ARHGEF16: variants seen among roughly 807,000 people sequenced by gnomAD.
ARHGEF16 encodes Rho guanine exchange factor (GEF) 16.
Under a neutral mutation model 74.1 loss-of-function variants are expected in ARHGEF16, and 59 were observed. The ratio of observed to expected loss-of-function variants is 0.80; its 90% CI spans 0.65 to 0.99. The LOEUF is 0.99. Ranked by LOEUF, ARHGEF16 falls within the 50% of genes least tolerant of loss-of-function variation. The pLI is 0.00. For synonymous variants in ARHGEF16, 415 were observed against 412.6 expected (o/e 1.01, Z -0.07); for missense variants, 948 against 986.6 (o/e 0.96, Z 0.52).
In ARHGEF16 at chr1:3,478,564, G is replaced by C; in HGVS notation, c.1766G>C (p.Arg589Pro). The change falls in exon 12 of 15, where the codon CGC becomes CCC. Residue 589 changes from arginine (R) to proline (P), a missense_variant. Coordinates refer to ENST00000378378, the MANE Select transcript of ARHGEF16 (RefSeq NM_014448.4). ...VPHPFQVTLL[R>P]NSEGRQEQLL... ...CACCCCTTCCAGGTGACCCTGCTTC[G>C]CAACAGCGAGGGCCGCCAGGAGCAG... is the stretch of plus-strand genomic sequence containing the variant. 1.2e-6 allele frequency: 2 copies of C among 1,612,510 alleles called. No homozygotes were observed. The highest frequency in any genetic ancestry group is 1.7e-6 in the Non-Finnish European group (2 of 1,179,780).
chr1:3,458,560 C>T (rs1569832903), intron 1 of ARHGEF16, among the ~76,000 whole-genome samples: 3 of 152,352 alleles, frequency 2.0e-5, no homozygotes, highest in Middle Eastern at 3.4e-3. Flanking sequence ...GGCTGGGGGT[C>T]CCATTGGGCC....
intron 1 of ARHGEF16, among the ~76,000 whole-genome samples, chr1:3,462,851 C>T (rs942481052): frequency 2.6e-5 from 4 of 152,250 alleles, no homozygotes; most frequent in Non-Finnish European, 4.4e-5. Context: ...ATCCTGTGTC[C>T]AGCCTCCGGC....
At chr1:3,474,587 G>A in intron 8 of ARHGEF16, 121 bp from the exon 9 acceptor site, 1 of 880,998 alleles carries the variant, frequency 1.1e-6, no homozygotes, top group Non-Finnish European at 1.9e-6. Flanking sequence ...GGCCCTGCAG[G>A]AGCCCCCTGG....
intron 12 of ARHGEF16, 45 bp downstream of exon 12, chr1:3,478,657 T>A: frequency 6.4e-7 from 1 of 1,557,280 alleles, no homozygotes; most frequent in Non-Finnish European, 8.7e-7. Context: ...ACAGGCACAT[T>A]AGCTCCATGG....
intron 2 of ARHGEF16, among the ~76,000 whole-genome samples, chr1:3,464,116 T>C (rs1044460183): frequency 2.0e-5 from 3 of 150,964 alleles, no homozygotes; most frequent in Non-Finnish European, 4.4e-5. Context: ...AGCTGTGCGG[T>C]GGCCTGGGGC....
chr1:3,471,710 G>GCTC, intron 6 of ARHGEF16: 4 of 1,229,514 alleles, frequency 3.3e-6, no homozygotes, highest in South Asian at 2.8e-5. Context: ...GGGGCGGGAA[G>GCTC]CTCCGGCCTC....
rs1639429284 is a variant in ARHGEF16, at chr1:3,462,720, A to G, written c.-19-346A>G. ...CCTCCAGGCTCAGGAATGTGTCCTC[A>G]GTGCGTGCTGCCCATCAGAGGAAGC... On this transcript the variant is annotated intron_variant, in intron 1 of 14. Transcript: ENST00000378378. 2.0e-5 allele frequency among the ~76,000 whole-genome samples: 3 copies of G among 152,194 alleles called. No individual in the cohort carries two copies. In the South Asian group the frequency reaches 6.2e-4, roughly 31 times the overall value.
rs556188581 is a variant in ARHGEF16 at position 3,474,849 on chromosome 1, A to G, written c.1380+67A>G. On this transcript the variant is annotated intron_variant, in intron 9 of 14. Coordinates refer to ENST00000378378, the MANE Select transcript of ARHGEF16 (RefSeq NM_014448.4). The stretch of plus-strand genomic sequence containing the variant: ...CCCGACCCTGTCCCCACCCAACCCC[A>G]CCCTACCCGATGGCATAGGGCTGGC... 24 of 1,022,262 alleles carry G rather than the reference A, an allele frequency of 2.3e-5. No homozygotes were observed. The Middle Eastern group carries it at 1.5e-3, about 62-fold the overall frequency. The allele number at this position is 1,022,262 out of a possible 1,614,324, so 63.3% of individuals were successfully genotyped here. A position where few individuals can be genotyped will look rare whatever the true frequency, so the allele number is the denominator to read the frequency against.
Position 3,467,647 on chromosome 1 carries a change from G to A in ARHGEF16, c.804+310G>A, listed in dbSNP as rs535236688. On this transcript the variant is annotated intron_variant, in intron 4 of 14. Coordinates refer to ENST00000378378, the MANE Select transcript of ARHGEF16 (RefSeq NM_014448.4). ...CCTTCCCAGGGCCCCCGCCCCAGGA[G>A]AGGGCTGAATGATCTGCGTAGGGAG... Among the ~76,000 whole-genome samples the A allele has an allele frequency of 2.0e-5, 3 of 152,348 alleles. No homozygotes were observed. In the East Asian group the frequency reaches 5.8e-4, roughly 29 times the overall value.
chr1:3,458,931 A>G lies in ARHGEF16; in HGVS notation c.-20+4120A>G, dbSNP rs116074213. The stretch of plus-strand genomic sequence containing the variant: ...AAGACCAGGGGCCAATAAGAAGTCC[A>G]AGTAGAGAAAACCTCACACAGAGAA... On this transcript the variant is annotated intron_variant, in intron 1 of 14. Coordinates refer to ENST00000378378, the MANE Select transcript of ARHGEF16 (RefSeq NM_014448.4). Among the ~76,000 whole-genome samples, 893 of 152,358 alleles carry G rather than the reference A, an allele frequency of 5.9e-3. 8 individuals carry two copies. The highest frequency in any genetic ancestry group is 0.02 in the African/African-American group (845 of 41,578).
chr1:3,471,603 G>T (rs569704016), intron 6 of ARHGEF16: 51 of 1,109,922 alleles, frequency 4.6e-5, no homozygotes, highest in Non-Finnish European at 5.5e-5. Flanking sequence ...AGCCAGGCAG[G>T]CTTTGTGTTC....
At chr1:3,478,832 C>A (rs2100762196) in intron 12 of ARHGEF16, among the ~76,000 whole-genome samples, 1 of 152,218 alleles carries the variant, frequency 6.6e-6, no homozygotes, top group South Asian at 2.1e-4. Flanking sequence ...AACAGTTGGG[C>A]CACCAGGAGT....
chr1:3,470,735 G>T (rs1340207044), intron 6 of ARHGEF16, among the ~76,000 whole-genome samples: 2 of 151,098 alleles, frequency 1.3e-5, no homozygotes, highest in East Asian at 4.0e-4. Context: ...AGGGGTGTGT[G>T]TGAGTGGGCT....
At chr1:3,468,852 G>T (rs377428346) in intron 4 of ARHGEF16, 28 bp from the exon 5 acceptor site, 1 of 1,549,984 alleles carries the variant, frequency 6.5e-7, no homozygotes, top group Non-Finnish European at 8.7e-7. Flanking sequence ...ACGTGTGACC[G>T]AGAGCTCCTG....
intron 13 of ARHGEF16, 57 bp downstream of exon 13, chr1:3,479,647 C>T: frequency 3.1e-6 from 5 of 1,589,246 alleles, no homozygotes; most frequent in Non-Finnish European, 4.3e-6. Flanking sequence ...GCACTTTGGC[C>T]CCCACTGTAG....
intron 8 of ARHGEF16, 30 bp downstream of exon 8, chr1:3,473,552 G>T: frequency 6.2e-7 from 1 of 1,601,822 alleles, no homozygotes; most frequent in Non-Finnish European, 8.5e-7. Flanking sequence ...GTGGGGCCGG[G>T]CATACCATCC....
intron 5 of ARHGEF16, among the ~76,000 whole-genome samples, 158 bp downstream of exon 5, chr1:3,469,094 G>T (rs41315278): frequency 9.0e-4 from 137 of 152,248 alleles, no homozygotes; most frequent in Non-Finnish European, 1.6e-3. Context: ...ACAGCCCCGG[G>T]CTGTGCTTCC....
At chr1:3,465,950 G>A (rs1639531162) in intron 2 of ARHGEF16, 198 bp from the exon 3 acceptor site, 13 of 601,252 alleles carry the variant, frequency 2.2e-5, no homozygotes, top group Admixed American at 3.3e-5. Flanking sequence ...CCTCAGTCAC[G>A]TGTCCTGCCT....
At chr1:3,477,397 C>G in intron 10 of ARHGEF16, among the ~76,000 whole-genome samples, 1 of 70,098 alleles carries the variant, frequency 1.4e-5, no homozygotes, top group Non-Finnish European at 2.9e-5. Flanking sequence ...CAACTCAGCA[C>G]CAGGCAGCAG....
Sources: gnomAD v4.1 joint callset for allele counts (sites outside exome capture counted in the v4.1 genomes callset) on GRCh38, gnomAD v4.1.1 for gene constraint, MANE v1.5 for transcripts, NCBI Gene and HGNC (gene_info 2026-07-23, HGNC 2026-07-21) for gene names.